UTRN: variants seen among roughly 807,000 people sequenced by gnomAD.
The protein encoded by UTRN is dystrophin-related protein 1.
Under a neutral mutation model 463.9 loss-of-function variants are expected in UTRN, and 283 were observed. The ratio of observed to expected loss-of-function variants is 0.61; its 90% CI spans 0.55 to 0.67. UTRN has a LOEUF of 0.67. UTRN is among the 30% of genes least tolerant of loss of function. The pLI is 0.00. For missense variants in UTRN, 3,922 were observed against 4,084.3 expected (o/e 0.96, Z 1.08); for synonymous variants, 1,442 against 1,431.5 (o/e 1.01, Z -0.17).
At chr6:144,517,184 C>G (rs1481111398) in intron 39 of UTRN, among the ~76,000 whole-genome samples, 2 of 151,718 alleles carry the variant, frequency 1.3e-5, no homozygotes, top group Non-Finnish European at 2.9e-5. Context: ...GTTATCAAAC[C>G]TAAAAGAGAT....
At chr6:144,824,646 G>T (rs1288420198) in intron 66 of UTRN, among the ~76,000 whole-genome samples, 3 of 103,542 alleles carry the variant, frequency 2.9e-5, no homozygotes, top group Non-Finnish European at 5.4e-5. Context: ...TTGAGACGGG[G>T]TCCAGTTCTG....
chr6:144,305,500 G>A (rs1246876513), intron 2 of UTRN, among the ~76,000 whole-genome samples: 1 of 152,206 alleles, frequency 6.6e-6, no homozygotes, highest in Admixed American at 6.5e-5. Context: ...TGTGAACTGA[G>A]TGATGACTGT....
At chr6:144,682,684 G>C (rs890020991) in intron 52 of UTRN, among the ~76,000 whole-genome samples, 1 of 152,094 alleles carries the variant, frequency 6.6e-6, no homozygotes, top group African/African-American at 2.4e-5. Flanking sequence ...TTTTTAACTA[G>C]ATTAGGTAAG....
At chr6:144,764,936 A>C (rs1793114500) in intron 58 of UTRN, among the ~76,000 whole-genome samples, 1 of 152,098 alleles carries the variant, frequency 6.6e-6, no homozygotes, top group Admixed American at 6.5e-5. Context: ...TAACACCTTC[A>C]GATGGGGGCA....
chr6:144,700,556 T>C (rs1025805923), intron 53 of UTRN, among the ~76,000 whole-genome samples: 5 of 151,712 alleles, frequency 3.3e-5, no homozygotes, highest in African/African-American at 1.2e-4. Flanking sequence ...TTTGGGTTTT[T>C]TTTGTTTTTT....
Position 144,714,895 on chromosome 6 carries a change from G to T in UTRN, c.7809+14652G>T, listed in dbSNP as rs1408563358. On this transcript the variant is annotated intron_variant, in intron 53 of 74. Coordinates refer to ENST00000367545, the MANE Select transcript of UTRN (RefSeq NM_007124.3). ...TTCCTCGGACTCTACTTGACTTCTA[G>T]AACACCGCACTCTCCTGATGTTTTT... Among the ~76,000 whole-genome samples, 3 of 151,666 alleles carry T rather than the reference G, an allele frequency of 2.0e-5. No individual in the cohort carries two copies. In the South Asian group the frequency reaches 6.2e-4, roughly 31 times the overall value.
At chr6:144,841,276 G>T (rs913561718) in intron 73 of UTRN, among the ~76,000 whole-genome samples, 4 of 152,174 alleles carry the variant, frequency 2.6e-5, no homozygotes, top group African/African-American at 9.7e-5. Context: ...TCAGACTCCA[G>T]TGCAGAAAGG....
At chr6:144,654,088 G>A (rs1446932151) in intron 51 of UTRN, among the ~76,000 whole-genome samples, 1 of 152,174 alleles carries the variant, frequency 6.6e-6, no homozygotes, top group East Asian at 1.9e-4. Context: ...CTTTTTGTGG[G>A]AAACCATAGT....
At chr6:144,446,901 A>T (rs1170154413) in intron 14 of UTRN, among the ~76,000 whole-genome samples, 1 of 152,184 alleles carries the variant, frequency 6.6e-6, no homozygotes, top group Non-Finnish European at 1.5e-5. Context: ...TTGTAATGTA[A>T]TTCCTTTGGA....
chr6:144,609,099 G>A (rs1805194666), intron 51 of UTRN, among the ~76,000 whole-genome samples: 1 of 152,134 alleles, frequency 6.6e-6, no homozygotes. Context: ...CTCAATGGAT[G>A]GGGAAATAAA....
intron 65 of UTRN, among the ~76,000 whole-genome samples, chr6:144,811,660 A>G (rs555011962): frequency 2.0e-5 from 3 of 152,096 alleles, no homozygotes; most frequent in South Asian, 2.1e-4. Context: ...CATCCTATCC[A>G]TGGCATTCAA....
intron 2 of UTRN, among the ~76,000 whole-genome samples, chr6:144,394,903 T>C (rs779410110): frequency 3.3e-5 from 5 of 152,158 alleles, no homozygotes; most frequent in Non-Finnish European, 1.5e-5. Flanking sequence ...TGCTGCTATT[T>C]TGACAAGTAG....
chr6:144,682,310 A>C (rs1257039184), intron 52 of UTRN, among the ~76,000 whole-genome samples: 1 of 152,122 alleles, frequency 6.6e-6, no homozygotes. Context: ...TTCCATCCAC[A>C]TTGTTGCAAA....
intron 2 of UTRN, among the ~76,000 whole-genome samples, chr6:144,371,423 G>A (rs1320321892): frequency 6.6e-6 from 1 of 151,032 alleles, no homozygotes; most frequent in Non-Finnish European, 1.5e-5. Context: ...ATGTGCTTAT[G>A]TTTTTGAGAC....
At chr6:144,381,001 A>G (rs372889073) in intron 2 of UTRN, among the ~76,000 whole-genome samples, 1 of 146,568 alleles carries the variant, frequency 6.8e-6, no homozygotes, top group Non-Finnish European at 1.5e-5. Context: ...TTTTTTTTTC[A>G]TTTGAAGGAT....
intron 23 of UTRN, among the ~76,000 whole-genome samples, chr6:144,463,813 T>C (rs1789655080): frequency 2.6e-5 from 4 of 151,782 alleles, no homozygotes; most frequent in Non-Finnish European, 4.4e-5. Context: ...TATCTATCTA[T>C]CTATATATAT....
At chr6:144,800,809 A>G (rs1777638019) in intron 64 of UTRN, among the ~76,000 whole-genome samples, 1 of 152,180 alleles carries the variant, frequency 6.6e-6, no homozygotes, top group South Asian at 2.1e-4. Context: ...TTAAGTGGAA[A>G]TGCCAGAAAA....
In UTRN at chr6:144,285,797, A is replaced by T. The variant is rs536831173; in HGVS notation, c.-117A>T. On this transcript the variant is annotated 5_prime_UTR_variant, in exon 1 of 75. Transcript: ENST00000367545. The stretch of plus-strand genomic sequence containing the variant: ...TCGGGGTGCGGCGGTGGCGACCGGC[A>T]GGCGAGGAGGCCCGCGGGCAGCAGG... The T allele has an allele frequency of 8.0e-4, 122 of 152,310 alleles. 1 individual carries two copies. Among genetic ancestry groups the T allele is most frequent in the African/African-American group, 2.8e-3 (115 of 41,456 alleles). 9.4% of individuals were successfully genotyped at this position (152,310 alleles called of 1,614,324 possible).
At chr6:144,484,243 T>TGTG (rs1210126327) in intron 27 of UTRN, among the ~76,000 whole-genome samples, 1 of 151,982 alleles carries the variant, frequency 6.6e-6, no homozygotes, top group Admixed American at 6.6e-5. Flanking sequence ...TTTGGTAAAA[T>TGTG]GTGGCTCTCT....
Sources: gnomAD v4.1 joint callset for allele counts (sites outside exome capture counted in the v4.1 genomes callset) on GRCh38, gnomAD v4.1.1 for gene constraint, MANE v1.5 for transcripts, NCBI Gene and HGNC (gene_info 2026-07-23, HGNC 2026-07-21) for gene names.